MTHFD1: variants seen among roughly 807,000 people sequenced by gnomAD.
MTHFD1 encodes the protein methylenetetrahydrofolate dehydrogenase, cyclohydrolase and formyltetrahydrofolate synthetase 1.
MTHFD1 carries 44 observed loss-of-function variants against 110.3 expected under a neutral mutation model. The ratio of observed to expected loss-of-function variants is 0.40; its 90% CI spans 0.31 to 0.51. The LOEUF is 0.51. Among genes scored for constraint, MTHFD1 ranks in the 20% least tolerant of loss-of-function variants. The pLI, the probability that MTHFD1 is intolerant of heterozygous loss-of-function variation, is 0.60. For missense variants in MTHFD1, 909 were observed against 1,173.1 expected, an observed-to-expected ratio of 0.77 and a Z score of 3.29; for synonymous variants, 402 against 428.8, an observed-to-expected ratio of 0.94 and a Z score of 0.77.
At chr14:64,410,411 G>GTT (rs1030457053) in intron 2 of MTHFD1, among the ~76,000 whole-genome samples, 1 of 151,460 alleles carries the variant, frequency 6.6e-6, no homozygotes, top group African/African-American at 2.4e-5. Flanking sequence ...TAAAGATGGG[G>GTT]GGGGGGGTCT....
intron 1 of MTHFD1, among the ~76,000 whole-genome samples, chr14:64,398,965 ACTTT>A (rs1337175022): frequency 6.6e-6 from 1 of 152,336 alleles, no homozygotes; most frequent in Non-Finnish European, 1.5e-5. Flanking sequence ...AAGAGGTTAT[ACTTT>A]CTTTCACTCT....
intron 15 of MTHFD1, 119 bp downstream of exon 15, chr14:64,431,980 T>C (rs1043633549): frequency 1.1e-5 from 9 of 855,376 alleles, no homozygotes; most frequent in Middle Eastern, 2.7e-4. Context: ...TCAGTAATCA[T>C]AGTCTTAAAG....
Position 64,400,827 on chromosome 14 carries a change from C to G in MTHFD1, c.76C>G (p.Gln26Glu). 6.2e-7 allele frequency: 1 copy of G among 1,613,904 alleles called. No homozygotes were observed. The highest frequency in any genetic ancestry group is 8.5e-7 in the Non-Finnish European group (1 of 1,179,852). The change falls in exon 2 of 28, where the codon CAG becomes GAG. Residue 26 changes from glutamine to glutamate, a missense_variant. Coordinates refer to ENST00000652337, the MANE Select transcript of MTHFD1 (RefSeq NM_005956.4). ...GGCGAGACTGAAAAATCAAGTCACTCAGTTGAAGGAGCAAGTACCTGGTTT... is the reference window on the plus strand; with the variant it reads ...GGCGAGACTGAAAAATCAAGTCACTGAGTTGAAGGAGCAAGTACCTGGTTT... ...IRARLKNQVTQLKEQVPGFTP... is the reference protein window; with the variant it reads ...IRARLKNQVTELKEQVPGFTP...
rs1346157141 is a variant in MTHFD1, at chr14:64,442,068, T to A, written c.1899T>A (p.Phe633Leu). 1 of 1,613,974 alleles carries A rather than the reference T, an allele frequency of 6.2e-7. No homozygotes were observed. The highest frequency in any genetic ancestry group is 1.7e-5 in the Admixed American group (1 of 60,010). ...GGTTTCCACAGGGCACTCCAGTGTT[T>A]GTCCATGCTGGCCCGTTTGCCAACA... Reference protein sequence around the residue: ...LMQTLEGTPVFVHAGPFANIA... With the variant: ...LMQTLEGTPVLVHAGPFANIA... The change falls in exon 20 of 28, where the codon TTT becomes TTA. Residue 633 changes from phenylalanine to leucine, a missense_variant. By Grantham distance (22) the Phe-to-Leu change is conservative (BLOSUM62 0). Around this residue, in one of 3 missense-constraint regions of MTHFD1, gnomAD observed 482 missense variants for 646.0 expected, o/e 0.75. Transcript: ENST00000652337.
chr14:64,451,483 C>G (rs1473581654), intron 24 of MTHFD1, among the ~76,000 whole-genome samples: 1 of 152,240 alleles, frequency 6.6e-6, no homozygotes. Context: ...TGACATTCTC[C>G]TGTTGAGCTT....
intron 21 of MTHFD1, among the ~76,000 whole-genome samples, chr14:64,443,792 A>G (rs2078266777): frequency 6.6e-6 from 1 of 151,756 alleles, no homozygotes; most frequent in Non-Finnish European, 1.5e-5. Flanking sequence ...CTTCCTCCTG[A>G]CCTCACAGTC....
chr14:64,403,171 G>A (rs1398330277), intron 2 of MTHFD1, among the ~76,000 whole-genome samples: 2 of 151,796 alleles, frequency 1.3e-5, no homozygotes, highest in African/African-American at 2.4e-5. Flanking sequence ...CTGGAGTGCA[G>A]TGGTGCAATC....
chr14:64,458,232 C>A lies in MTHFD1; in HGVS notation c.2737C>A (p.Leu913Ile). The part of the protein sequence containing the change: ...LVGTMSTMPG[L>I]PTRPCFYDID... The stretch of plus-strand genomic sequence containing the variant: ...ATCCTAGATGAGCACAATGCCTGGA[C>A]TCCCCACCCGGCCCTGTTTTTATGA... Residue 913 changes from leucine to isoleucine, a missense_variant, in exon 27 of 28, where the codon CTC becomes ATC. Transcript: ENST00000652337. The A allele has an allele frequency of 6.2e-7, 1 of 1,612,740 alleles. No individual in the cohort carries two copies. The highest frequency in any genetic ancestry group is 8.5e-7 in the Non-Finnish European group (1 of 1,178,706).
At chr14:64,423,577 G>T (rs1430560167) in intron 8 of MTHFD1, among the ~76,000 whole-genome samples, 1 of 151,710 alleles carries the variant, frequency 6.6e-6, no homozygotes, top group Non-Finnish European at 1.5e-5. Context: ...AATATTTTTA[G>T]TAGAGACGGG....
intron 8 of MTHFD1, among the ~76,000 whole-genome samples, chr14:64,421,518 G>A (rs1316484629): frequency 1.3e-5 from 2 of 152,092 alleles, no homozygotes; most frequent in Non-Finnish European, 2.9e-5. Flanking sequence ...TTCTTGTAGT[G>A]TAATTATCTA....
chr14:64,401,850 A>C (rs867583739), intron 2 of MTHFD1, among the ~76,000 whole-genome samples: 1 of 152,192 alleles, frequency 6.6e-6, no homozygotes, highest in Non-Finnish European at 1.5e-5. Context: ...AAAGAGGGGC[A>C]TTATTTTATA....
chr14:64,453,131 A>G (rs1455954923), intron 24 of MTHFD1, among the ~76,000 whole-genome samples: 1 of 152,006 alleles, frequency 6.6e-6, no homozygotes, highest in Non-Finnish European at 1.5e-5. Flanking sequence ...ATGTAAGTAT[A>G]TATTTAAAAC....
Position 64,400,849 on chromosome 14 carries a change from G to T in MTHFD1, c.98G>T (p.Gly33Val), listed in dbSNP as rs2077890078. 6.2e-7 allele frequency: 1 copy of T among 1,613,298 alleles called. No homozygotes were observed. The highest frequency in any genetic ancestry group is 1.7e-5 in the Admixed American group (1 of 60,000). Reference sequence around the variant, plus strand: ...ACTCAGTTGAAGGAGCAAGTACCTGGTTTCACACCACGCCTGGCAATATTA... The same window carrying T: ...ACTCAGTTGAAGGAGCAAGTACCTGTTTTCACACCACGCCTGGCAATATTA... ...QVTQLKEQVP[G>V]FTPRLAILQV... The change falls in exon 2 of 28, where the codon GGT becomes GTT. Residue 33 changes from glycine to valine, a missense_variant. By Grantham distance (109) the Gly-to-Val change is moderately radical (BLOSUM62 -3). Transcript: ENST00000652337.
Position 64,440,245 on chromosome 14 carries a change from G to A in MTHFD1, c.1794G>A (p.Glu598=). ...KMVVASSKKG[E]PVSAEDLGVS... ...TGGTGGCATCCAGTAAGAAAGGAGA[G>A]CCCGTCAGTGCCGAAGATCTGGTGG... The change falls in exon 18 of 28, where the codon GAG becomes GAA. Residue 598 remains glutamate (E), a synonymous_variant. Coordinates refer to ENST00000652337, the MANE Select transcript of MTHFD1 (RefSeq NM_005956.4). 6.2e-7 allele frequency: 1 copy of A among 1,614,182 alleles called. No individual in the cohort carries two copies. Among genetic ancestry groups the A allele is most frequent in the East Asian group, 2.2e-5 (1 of 44,888 alleles).
chr14:64,452,044 C>A (rs555795778), intron 24 of MTHFD1, among the ~76,000 whole-genome samples: 2 of 152,182 alleles, frequency 1.3e-5, no homozygotes, highest in African/African-American at 2.4e-5. Context: ...ACCTGTAATC[C>A]CAGCACTTTG....
rs150777514 is a variant in MTHFD1 at position 64,420,172 on chromosome 14, G to A, written c.727+247G>A. On this transcript the variant is annotated intron_variant, in intron 8 of 27. Coordinates refer to ENST00000652337, the MANE Select transcript of MTHFD1 (RefSeq NM_005956.4). ...CAGCTTCCAAGATGACTTTGTCCAG[G>A]GAGAAAGTGAGAGGGAGGGCAGGAG... Among the ~76,000 whole-genome samples, 83 of 152,180 alleles carry A rather than the reference G, an allele frequency of 5.5e-4. No individual in the cohort carries two copies. The East Asian group carries it at 0.015, about 27-fold the overall frequency.
At chr14:64,416,370 C>A (rs1032461022) in intron 6 of MTHFD1, among the ~76,000 whole-genome samples, 5 of 152,064 alleles carry the variant, frequency 3.3e-5, no homozygotes, top group Non-Finnish European at 7.4e-5. Context: ...TTTATTTTAA[C>A]CTATACAGTA....
chr14:64,459,827 A>G lies in MTHFD1; in HGVS notation c.*73A>G, dbSNP rs1196939349. 6.5e-7 allele frequency: 1 copy of G among 1,536,000 alleles called. No individual in the cohort carries two copies. Among genetic ancestry groups the G allele is most frequent in the Middle Eastern group, 1.7e-4 (1 of 5,990 alleles). ...TGTCTATTCAGGCCCACTGGGAGTT[A>G]GGAAGTATAAGTAAGCCAAGAGAAG... On this transcript the variant is annotated 3_prime_UTR_variant, in exon 28 of 28. Transcript: ENST00000652337.
chr14:64,441,582 A>G (rs3742612), intron 19 of MTHFD1, 129 bp downstream of exon 19: 16,845 of 765,854 alleles, frequency 0.022, 817 homozygotes, highest in East Asian at 0.19. Flanking sequence ...CAAGGTGGGC[A>G]GATCACAAGG....
Sources: allele counts gnomAD v4.1 joint callset (sites outside exome capture counted in the v4.1 genomes callset), GRCh38; gene constraint gnomAD v4.1.1; regional missense constraint gnomAD v4.1.1; transcripts MANE v1.5; gene names NCBI Gene and HGNC (gene_info 2026-07-23, HGNC 2026-07-21).